GNPTAB: variants seen among roughly 807,000 people sequenced by gnomAD.
GNPTAB encodes the protein N-acetylglucosamine-1-phosphate transferase subunits alpha and beta, also known as N-acetylglucosamine-1-phosphotransferase subunits alpha/beta.
In GNPTAB, 92 loss-of-function variants were observed where a neutral mutation model predicts 136.6. The ratio of observed to expected loss-of-function variants is 0.67; its 90% CI spans 0.57 to 0.80. The LOEUF (loss-of-function observed/expected upper bound fraction) is 0.80. Ranked by LOEUF, GNPTAB falls within the 30% of genes least tolerant of loss-of-function variation. The probability of loss-of-function intolerance (pLI) is 0.00; values close to 1 mark genes in which losing one functional copy is unlikely to be tolerated. For missense variants in GNPTAB, 1,343 were observed against 1,501.8 expected, an observed-to-expected ratio of 0.89 and a Z score of 1.75; for synonymous variants, 512 against 535.1, an observed-to-expected ratio of 0.96 and a Z score of 0.60.
chr12:101,804,236 T>C (rs1869811041), intron 1 of GNPTAB, among the ~76,000 whole-genome samples: 1 of 151,826 alleles, frequency 6.6e-6, no homozygotes, highest in African/African-American at 2.4e-5. Context: ...AAAAAAAGTA[T>C]TGCTTTGTGC....
chr12:101,780,000 T>C, intron 7 of GNPTAB, 152 bp downstream of exon 7: 2 of 776,886 alleles, frequency 2.6e-6, no homozygotes, highest in Non-Finnish European at 4.4e-6. Context: ...AAATTAAAAG[T>C]AAGGAGTGAG....
In GNPTAB at chr12:101,761,739, A is replaced by G. The variant is rs2137113011; in HGVS notation, c.2740T>C (p.Leu914=). ...LDEEESLKTQ[L]AYFTDSKNTG... The stretch of plus-strand genomic sequence containing the variant: ...TTTTTGCTATCAGTGAAGTATGCCA[A>G]TTGTGTCTTCAATGACTCTTCTTCC... Residue 914 remains leucine (L), a synonymous_variant, in exon 14 of 21, where the codon TTG becomes CTG. Transcript: ENST00000299314. 2 of 1,613,370 alleles carry G rather than the reference A, an allele frequency of 1.2e-6. No homozygotes were observed. The highest frequency in any genetic ancestry group is 2.2e-5 in the East Asian group (1 of 44,858).
chr12:101,764,952 G>A lies in GNPTAB; in HGVS notation c.1965C>T (p.Pro655=), dbSNP rs2137117368. The A allele has an allele frequency of 6.2e-7, 1 of 1,613,968 alleles. No homozygotes were observed. The highest frequency in any genetic ancestry group is 8.5e-7 in the Non-Finnish European group (1 of 1,180,010). Residue 655 remains proline, a synonymous_variant, in exon 13 of 21, where the codon CCC becomes CCT. Coordinates refer to ENST00000299314, the MANE Select transcript of GNPTAB (RefSeq NM_024312.5). ...AQKGYENLVS[P]ITLLPEAEIL... ...TTTCCGCCTCTGGAAGAAGTGTTAT[G>A]GGACTAACTAAATTTTCGTAACCCT...
At chr12:101,829,224 C>T (rs939760396) in intron 1 of GNPTAB, among the ~76,000 whole-genome samples, 1 of 152,182 alleles carries the variant, frequency 6.6e-6, no homozygotes, top group Non-Finnish European at 1.5e-5. Flanking sequence ...GTGGCTTACA[C>T]CTGTAATCCC....
rs187727039 is a variant in GNPTAB, at chr12:101,813,103, G to A, written c.118-16341C>T. Among the ~76,000 whole-genome samples, 511 of 152,114 alleles carry A rather than the reference G, an allele frequency of 3.4e-3. 4 individuals carry two copies. The highest frequency in any genetic ancestry group is 0.012 in the African/African-American group (484 of 41,494). On this transcript the variant is annotated intron_variant, in intron 1 of 20. Coordinates refer to ENST00000299314, the MANE Select transcript of GNPTAB (RefSeq NM_024312.5). ...CCGCCTCAGCCTCCCAAATTGCTGGGATTACAGGCATGAGCCACCACACCC... is the reference window on the plus strand; with the variant it reads ...CCGCCTCAGCCTCCCAAATTGCTGGAATTACAGGCATGAGCCACCACACCC...
chr12:101,822,363 G>A (rs569408923), intron 1 of GNPTAB, among the ~76,000 whole-genome samples: 329 of 152,266 alleles, frequency 2.2e-3, no homozygotes, highest in African/African-American at 7.6e-3. Flanking sequence ...GCAGTGAGCC[G>A]AGATCGCGCC....
chr12:101,761,037 G>T, intron 15 of GNPTAB, 90 bp downstream of exon 15: 1 of 937,808 alleles, frequency 1.1e-6, no homozygotes, highest in Non-Finnish European at 1.7e-6. Context: ...ATCCCAAAGT[G>T]CTGGGATTAC....
At position 101,764,584 on chromosome 12, in the gene GNPTAB, C is replaced by T; in HGVS notation, c.2333G>A (p.Ser778Asn). 1 of 1,614,066 alleles carries T rather than the reference C, an allele frequency of 6.2e-7. No homozygotes were observed. The highest frequency in any genetic ancestry group is 8.5e-7 in the Non-Finnish European group (1 of 1,179,990). Residue 778 changes from serine (S) to asparagine (N), a missense_variant, in exon 13 of 21, where the codon AGC (serine) becomes AAC (asparagine). By Grantham distance (46) the Ser-to-Asn change is conservative. Transcript: ENST00000299314. The part of the protein sequence containing the change: ...KQVHKSILPN[S>N]LGVSERLQRL... The stretch of plus-strand genomic sequence containing the variant: ...CTGCAATCTTTCAGACACTCCTAAG[C>T]TGTTTGGCAAGATGCTTTTATGAAC...
Position 101,774,631 on chromosome 12 carries a change from C to A in GNPTAB, c.772-3474G>T, listed in dbSNP as rs559880670. Among the ~76,000 whole-genome samples, 3 of 152,282 alleles carry A rather than the reference C, an allele frequency of 2.0e-5. No homozygotes were observed. In the South Asian group the frequency reaches 6.2e-4, roughly 32 times the overall value. ...GAATTGAAAAAGCAGTGTAAATAAT[C>A]TTCACTTTTAAATTCTATAAATGAT... On this transcript the variant is annotated intron_variant, in intron 7 of 20. Transcript: ENST00000299314.
At chr12:101,768,439 C>T (rs981589204) in intron 10 of GNPTAB, among the ~76,000 whole-genome samples, 2 of 152,320 alleles carry the variant, frequency 1.3e-5, no homozygotes, top group African/African-American at 4.8e-5. Flanking sequence ...TCTCTCATAA[C>T]ATGCTTTGAT....
At chr12:101,776,814 G>T (rs1020281559) in intron 7 of GNPTAB, among the ~76,000 whole-genome samples, 1 of 152,198 alleles carries the variant, frequency 6.6e-6, no homozygotes, top group Non-Finnish European at 1.5e-5. Flanking sequence ...GATACCCGTG[G>T]CCTAGTGAGA....
At chr12:101,779,478 AG>A (rs1373114163) in intron 7 of GNPTAB, 1 of 153,718 alleles carries the variant, frequency 6.5e-6, no homozygotes, top group Non-Finnish European at 1.4e-5. Context: ...GGCACGTCCC[AG>A]GCCAGCCTCC....
intron 2 of GNPTAB, among the ~76,000 whole-genome samples, chr12:101,793,059 C>T (rs957738510): frequency 2.6e-5 from 4 of 152,160 alleles, no homozygotes; most frequent in East Asian, 1.9e-4. Flanking sequence ...CACTAAAATG[C>T]CAATTCTATA....
intron 1 of GNPTAB, among the ~76,000 whole-genome samples, chr12:101,813,134 C>G (rs1870327088): frequency 6.6e-6 from 1 of 151,980 alleles, no homozygotes; most frequent in Non-Finnish European, 1.5e-5. Context: ...CACCCAGCCC[C>G]ATGGAAATCT....
intron 1 of GNPTAB, among the ~76,000 whole-genome samples, chr12:101,820,264 G>A (rs1330802547): frequency 1.3e-5 from 2 of 152,228 alleles, no homozygotes; most frequent in Non-Finnish European, 2.9e-5. Context: ...GGGTCTGCGA[G>A]AGCAAATGAA....
At chr12:101,823,422 T>A (rs1046857226) in intron 1 of GNPTAB, among the ~76,000 whole-genome samples, 75 of 151,948 alleles carry the variant, frequency 4.9e-4, no homozygotes, top group African/African-American at 1.6e-3. Context: ...CCAGCCTGGC[T>A]AACATGGTGT....
intron 1 of GNPTAB, among the ~76,000 whole-genome samples, chr12:101,810,905 A>G (rs1299994784): frequency 2.6e-5 from 4 of 152,186 alleles, no homozygotes; most frequent in Non-Finnish European, 4.4e-5. Flanking sequence ...TGCTCATGGA[A>G]CAGCCAGTAC....
At chr12:101,786,587 G>A (rs150085439) in intron 4 of GNPTAB, among the ~76,000 whole-genome samples, 1 of 152,278 alleles carries the variant, frequency 6.6e-6, no homozygotes, top group Non-Finnish European at 1.5e-5. Flanking sequence ...GGTTAATAGA[G>A]TGTCATGTTA....
chr12:101,827,293 G>A (rs1166808585), intron 1 of GNPTAB, among the ~76,000 whole-genome samples: 1 of 151,902 alleles, frequency 6.6e-6, no homozygotes, highest in Non-Finnish European at 1.5e-5. Context: ...CAGAGATAGG[G>A]TTTCGCCATG....
Sources: gnomAD v4.1 joint callset for allele counts (sites outside exome capture counted in the v4.1 genomes callset) on GRCh38, gnomAD v4.1.1 for gene constraint, MANE v1.5 for transcripts, NCBI Gene and HGNC (gene_info 2026-07-23, HGNC 2026-07-21) for gene names.